Variants in EPHA5 observed in about 807,000 individuals in gnomAD.
EPHA5 encodes ephrin type-A receptor 5.
EPHA5 carries 60 observed loss-of-function variants against 105.0 expected under a neutral mutation model. That is an observed-to-expected ratio of 0.57 (90% CI 0.46 to 0.71). The LOEUF (loss-of-function observed/expected upper bound fraction) is 0.71. Ranked by LOEUF, EPHA5 falls within the 30% of genes least tolerant of loss-of-function variation. The probability of loss-of-function intolerance (pLI) is 0.00; values close to 1 mark genes in which losing one functional copy is unlikely to be tolerated. For missense variants in EPHA5, 1,218 were observed against 1,274.7 expected, an observed-to-expected ratio of 0.96 and a Z score of 0.68; for synonymous variants, 513 against 449.1, an observed-to-expected ratio of 1.14 and a Z score of -1.80.
intron 5 of EPHA5, among the ~76,000 whole-genome samples, chr4:65,476,945 T>G (rs533760870): frequency 2.0e-5 from 3 of 152,216 alleles, no homozygotes; most frequent in African/African-American, 7.2e-5. Flanking sequence ...TTTGAAAAAT[T>G]TTCAAAAGTT....
chr4:65,501,171 TTTATATAGTATAAATA>T (rs1281527533), intron 3 of EPHA5, among the ~76,000 whole-genome samples: 2 of 151,492 alleles, frequency 1.3e-5, no homozygotes, highest in Non-Finnish European at 3.0e-5. Flanking sequence ...CATGTCATAT[TTTATATAGTATAAATA>T]TTATTGCTTA....
At chr4:65,533,432 TA>T (rs1269158457) in intron 3 of EPHA5, among the ~76,000 whole-genome samples, 1 of 152,114 alleles carries the variant, frequency 6.6e-6, no homozygotes, top group African/African-American at 2.4e-5. Flanking sequence ...ATGTATGGTT[TA>T]AAGTGACACA....
At chr4:65,602,662 A>ACGTATATTT (rs1743852190) in intron 2 of EPHA5, among the ~76,000 whole-genome samples, 1 of 152,176 alleles carries the variant, frequency 6.6e-6, no homozygotes, top group Non-Finnish European at 1.5e-5. Flanking sequence ...AAAGAAAAAT[A>ACGTATATTT]TGTATATTTT....
At chr4:65,663,267 CT>C (rs2149554017) in intron 1 of EPHA5, among the ~76,000 whole-genome samples, 1 of 152,188 alleles carries the variant, frequency 6.6e-6, no homozygotes, top group South Asian at 2.1e-4. Flanking sequence ...CTTATGGTTT[CT>C]TTAAATCACT....
chr4:65,612,957 C>T (rs1308629855), intron 2 of EPHA5, among the ~76,000 whole-genome samples: 2 of 152,056 alleles, frequency 1.3e-5, no homozygotes, highest in African/African-American at 2.4e-5. Flanking sequence ...TCAACTAGGC[C>T]AATGTCCAGA....
intron 7 of EPHA5, among the ~76,000 whole-genome samples, chr4:65,411,987 G>A (rs112520215): frequency 7.4e-4 from 113 of 152,278 alleles, no homozygotes; most frequent in African/African-American, 1.9e-3. Context: ...CCAGCACTTT[G>A]GGAGGCCAAG....
At chr4:65,468,558 ATT>A (rs1728948665) in intron 5 of EPHA5, among the ~76,000 whole-genome samples, 1 of 61,154 alleles carries the variant, frequency 1.6e-5, no homozygotes, top group African/African-American at 7.1e-5. Flanking sequence ...TAATATATAT[ATT>A]ATATATTATA....
intron 8 of EPHA5, among the ~76,000 whole-genome samples, chr4:65,392,088 T>C (rs1326144277): frequency 6.6e-6 from 1 of 152,174 alleles, no homozygotes; most frequent in African/African-American, 2.4e-5. Flanking sequence ...CTTCCCACAG[T>C]GGGCAATTAG....
At chr4:65,428,985 T>C (rs1044575336) in intron 5 of EPHA5, among the ~76,000 whole-genome samples, 2 of 152,036 alleles carry the variant, frequency 1.3e-5, no homozygotes, top group Non-Finnish European at 2.9e-5. Context: ...TCCTTCTGAA[T>C]AGCAAAATTA....
chr4:65,528,089 C>A (rs1210133144), intron 3 of EPHA5, among the ~76,000 whole-genome samples: 1 of 152,006 alleles, frequency 6.6e-6, no homozygotes, highest in Non-Finnish European at 1.5e-5. Context: ...TAAAATCTAT[C>A]AACAATTTGA....
intron 1 of EPHA5, among the ~76,000 whole-genome samples, chr4:65,657,382 A>G (rs2149540997): frequency 6.6e-6 from 1 of 152,318 alleles, no homozygotes; most frequent in Non-Finnish European, 1.5e-5. Context: ...AATTTATCAT[A>G]AGAAAGCAGA....
intron 8 of EPHA5, among the ~76,000 whole-genome samples, chr4:65,390,329 G>A (rs188573989): frequency 7.9e-5 from 12 of 152,034 alleles, no homozygotes; most frequent in African/African-American, 2.6e-4. Flanking sequence ...TAAGCCCAAA[G>A]TTTGCCAGAA....
intron 11 of EPHA5, among the ~76,000 whole-genome samples, chr4:65,358,201 G>C (rs866507924): frequency 6.6e-6 from 1 of 151,346 alleles, no homozygotes; most frequent in Non-Finnish European, 1.5e-5. Context: ...CTAAATATAG[G>C]CTTATTATTT....
intron 5 of EPHA5, among the ~76,000 whole-genome samples, chr4:65,425,525 ACT>A (rs1355242521): frequency 1.9e-4 from 29 of 151,950 alleles, no homozygotes; most frequent in Non-Finnish European, 7.4e-5. Context: ...TTCAGTAAAG[ACT>A]CTGGTGGAAT....
intron 9 of EPHA5, 94 bp downstream of exon 9, chr4:65,367,263 C>G: frequency 5.0e-6 from 5 of 993,746 alleles, no homozygotes; most frequent in South Asian, 1.6e-5. Flanking sequence ...ATATTTTGGT[C>G]AGTTATTATA....
chr4:65,385,376 T>C (rs2148940222), intron 8 of EPHA5, among the ~76,000 whole-genome samples: 1 of 151,970 alleles, frequency 6.6e-6, no homozygotes, highest in South Asian at 2.1e-4. Context: ...TCCATTTAAT[T>C]ATGTCTCTCT....
At chr4:65,502,194 A>G (rs558430646) in intron 3 of EPHA5, among the ~76,000 whole-genome samples, 1 of 151,614 alleles carries the variant, frequency 6.6e-6, no homozygotes, top group East Asian at 1.9e-4. Flanking sequence ...TTGACTTTGA[A>G]AAAAAGAATG....
intron 1 of EPHA5, among the ~76,000 whole-genome samples, chr4:65,649,493 T>C (rs1748406407): frequency 6.6e-6 from 1 of 152,178 alleles, no homozygotes; most frequent in African/African-American, 2.4e-5. Flanking sequence ...TATATTTGGG[T>C]AACTAGTCCT....
intron 13 of EPHA5, among the ~76,000 whole-genome samples, chr4:65,351,078 A>T (rs967499563): frequency 2.6e-5 from 4 of 151,748 alleles, no homozygotes; most frequent in African/African-American, 9.7e-5. Context: ...TCTGTATTTA[A>T]CTCCTTACTT....
Sources: allele counts gnomAD v4.1 joint callset (sites outside exome capture counted in the v4.1 genomes callset), GRCh38; gene constraint gnomAD v4.1.1; transcripts MANE v1.5; gene names NCBI Gene and HGNC (gene_info 2026-07-23, HGNC 2026-07-21).